LINGO2: variants seen among roughly 807,000 people sequenced by gnomAD.
LINGO2 encodes the protein leucine-rich repeat and immunoglobulin-like domain-containing nogo receptor-interacting protein 2.
LINGO2 carries 14 observed loss-of-function variants against 30.6 expected under a neutral mutation model. The ratio of observed to expected loss-of-function variants is 0.46; its 90% CI spans 0.30 to 0.72. The LOEUF is 0.72. LINGO2 is among the 30% of genes least tolerant of loss of function. The probability of loss-of-function intolerance (pLI) is 0.07; values close to 1 mark genes in which losing one functional copy is unlikely to be tolerated. For synonymous variants in LINGO2, 317 were observed against 288.5 expected (o/e 1.10, Z -1.00); for missense variants, 729 against 751.7 (o/e 0.97, Z 0.35).
intron 2 of LINGO2, among the ~76,000 whole-genome samples, chr9:28,468,508 G>A (rs1260663260): frequency 6.6e-6 from 1 of 152,088 alleles, no homozygotes; most frequent in African/African-American, 2.4e-5. Context: ...AGATTATTGG[G>A]AAATAATACA....
rs1828561635 is a variant in LINGO2, at chr9:28,660,998, T to C, written c.-365+9202A>G. The stretch of plus-strand genomic sequence containing the variant: ...TTAACCTCTGCCAGGTAGTTAAATG[T>C]TGTAGACTGCAAAAATGTCCCAATT... On this transcript the variant is annotated intron_variant, in intron 1 of 5. Transcript: ENST00000379992. Among the ~76,000 whole-genome samples, 3 of 152,106 alleles carry C rather than the reference T, an allele frequency of 2.0e-5. No individual in the cohort carries two copies. The South Asian group carries it at 6.2e-4, about 32-fold the overall frequency.
At chr9:28,007,506 A>G (rs954213964) in intron 5 of LINGO2, among the ~76,000 whole-genome samples, 3 of 152,228 alleles carry the variant, frequency 2.0e-5, no homozygotes, top group Non-Finnish European at 4.4e-5. Flanking sequence ...ATCCACTAAA[A>G]TAACCTCACT....
chr9:29,098,169 TA>T, the LINGO2 span, among the ~76,000 whole-genome samples: 3 of 152,098 alleles, frequency 2.0e-5, no homozygotes, highest in African/African-American at 7.2e-5. Flanking sequence ...TACTATAGAG[TA>T]ATTATTTAAA....
At chr9:28,485,873 A>G (rs1826146548) in intron 1 of LINGO2, among the ~76,000 whole-genome samples, 1 of 152,148 alleles carries the variant, frequency 6.6e-6, no homozygotes, top group South Asian at 2.1e-4. Context: ...AAATATACTC[A>G]GAAGATATAA....
the LINGO2 span, among the ~76,000 whole-genome samples, chr9:28,825,624 T>G: frequency 1.3e-5 from 2 of 151,886 alleles, no homozygotes; most frequent in Non-Finnish European, 2.9e-5. Context: ...TGTTAAAAAC[T>G]TTAAAAGCCA....
At chr9:28,045,146 G>A (rs774906081) in intron 4 of LINGO2, among the ~76,000 whole-genome samples, 36 of 151,556 alleles carry the variant, frequency 2.4e-4, no homozygotes, top group Non-Finnish European at 4.4e-4. Context: ...GCCATTTTCC[G>A]GTCCATTCCC....
At chr9:28,010,053 T>C (rs1348245874) in intron 5 of LINGO2, among the ~76,000 whole-genome samples, 2 of 152,192 alleles carry the variant, frequency 1.3e-5, no homozygotes, top group Non-Finnish European at 1.5e-5. Flanking sequence ...TAAAAGGGAA[T>C]GAAGTACTGA....
chr9:28,900,997 A>C, the LINGO2 span, among the ~76,000 whole-genome samples: 2 of 152,236 alleles, frequency 1.3e-5, no homozygotes, highest in African/African-American at 4.8e-5. Context: ...GATTCAATCC[A>C]AACTAGAGGA....
At chr9:28,019,832 G>A (rs1823025948) in intron 4 of LINGO2, among the ~76,000 whole-genome samples, 1 of 152,098 alleles carries the variant, frequency 6.6e-6, no homozygotes, top group African/African-American at 2.4e-5. Flanking sequence ...CCAACTTGCT[G>A]AGTAACCTTT....
At chr9:28,213,590 C>T (rs1820667667) in intron 4 of LINGO2, among the ~76,000 whole-genome samples, 1 of 151,176 alleles carries the variant, frequency 6.6e-6, no homozygotes, top group South Asian at 2.1e-4. Flanking sequence ...AAGCAGAGGA[C>T]ATTTGTATAA....
intron 5 of LINGO2, among the ~76,000 whole-genome samples, chr9:28,002,472 T>C (rs1822010659): frequency 6.6e-6 from 1 of 152,196 alleles, no homozygotes; most frequent in Non-Finnish European, 1.5e-5. Flanking sequence ...AAAATTCTCA[T>C]TTCTATAACT....
At chr9:28,188,533 C>T (rs961365134) in intron 4 of LINGO2, among the ~76,000 whole-genome samples, 3 of 151,984 alleles carry the variant, frequency 2.0e-5, no homozygotes, top group African/African-American at 7.3e-5. Context: ...CTGGGAAAAG[C>T]TCTGCTTCCG....
At chr9:28,831,853 CAAAT>C in the LINGO2 span, among the ~76,000 whole-genome samples, 1 of 152,056 alleles carries the variant, frequency 6.6e-6, no homozygotes, top group African/African-American at 2.4e-5. Context: ...TCTGTATAAA[CAAAT>C]AGTGAAAGTA....
chr9:28,380,701 A>T (rs547658120), intron 2 of LINGO2, among the ~76,000 whole-genome samples: 1 of 152,204 alleles, frequency 6.6e-6, no homozygotes, highest in East Asian at 1.9e-4. Context: ...AGTCTTTCTT[A>T]AAAGAGATAG....
the LINGO2 span, among the ~76,000 whole-genome samples, chr9:29,183,117 A>G: frequency 6.6e-5 from 10 of 152,346 alleles, no homozygotes; most frequent in East Asian, 1.7e-3. Flanking sequence ...AGGAAAAGCA[A>G]TGAGAACTTG....
rs1011375828 is a variant in LINGO2, at chr9:28,316,239, C to CT, written c.-245-20874dup. Among the ~76,000 whole-genome samples, 24 of 151,702 alleles carry CT rather than the reference C, an allele frequency of 1.6e-4. No individual in the cohort carries two copies. In the East Asian group the frequency reaches 1.9e-3, roughly 12 times the overall value. The stretch of plus-strand genomic sequence containing the variant: ...ACATATTTTGAAAACAGTACCAAAA[C>CT]TTTTTTTTAAAATTTAATGACTGTA... On this transcript the variant is annotated intron_variant, in intron 3 of 5. Coordinates refer to ENST00000379992, the Ensembl canonical transcript of LINGO2.
chr9:28,869,037 A>G, the LINGO2 span, among the ~76,000 whole-genome samples: 1 of 152,134 alleles, frequency 6.6e-6, no homozygotes, highest in Non-Finnish European at 1.5e-5. Flanking sequence ...GATAAAAATA[A>G]ATGATATACT....
At chr9:28,870,824 T>C in the LINGO2 span, among the ~76,000 whole-genome samples, 3 of 152,046 alleles carry the variant, frequency 2.0e-5, no homozygotes, top group Non-Finnish European at 4.4e-5. Flanking sequence ...TAATTTATAT[T>C]TTAAAAAAGC....
rs373850212 is a variant in LINGO2 at position 28,375,123 on chromosome 9, CACACACACACAT to C, written c.-278-2267_-278-2256del. Among the ~76,000 whole-genome samples the C allele has an allele frequency of 4.1e-3, 587 of 143,062 alleles. 5 individuals are homozygous for C. The highest frequency in any genetic ancestry group is 0.015 in the African/African-American group (551 of 37,278). 93.9% of individuals were successfully genotyped at this position (143,062 alleles called of 152,430 possible). On this transcript the variant is annotated intron_variant, in intron 2 of 5. Coordinates refer to ENST00000379992, the Ensembl canonical transcript of LINGO2. ...ACACACACACACACACACACACACA[CACACACACACAT>C]ACACCCCACACTAAGCTTCTCTCCA... is the stretch of plus-strand genomic sequence containing the variant.
Sources: gnomAD v4.1 joint callset for allele counts (sites outside exome capture counted in the v4.1 genomes callset) on GRCh38, gnomAD v4.1.1 for gene constraint, MANE v1.5 for transcripts, NCBI Gene and HGNC (gene_info 2026-07-23, HGNC 2026-07-21) for gene names.